ZRANB3: variants seen among roughly 807,000 people sequenced by gnomAD.
The protein encoded by ZRANB3 is zinc finger RANBP2-type containing 3, also known as DNA annealing helicase and endonuclease ZRANB3.
ZRANB3 carries 125 observed loss-of-function variants against 133.8 expected under a neutral mutation model. The ratio of observed to expected loss-of-function variants is 0.93; its 90% CI spans 0.81 to 1.08. ZRANB3 has a LOEUF of 1.08. Among genes scored for constraint, ZRANB3 ranks in the 50% least tolerant of loss-of-function variants. The probability of loss-of-function intolerance (pLI) is 0.00; values close to 1 mark genes in which losing one functional copy is unlikely to be tolerated. For synonymous variants in ZRANB3, 387 were observed against 432.7 expected (o/e 0.89, Z 1.31); for missense variants, 1,229 against 1,275.5 (o/e 0.96, Z 0.56).
intron 1 of ZRANB3, among the ~76,000 whole-genome samples, chr2:135,513,879 G>A (rs367561834): frequency 6.6e-6 from 1 of 152,074 alleles, no homozygotes; most frequent in East Asian, 1.9e-4. Flanking sequence ...CACTAAATAG[G>A]GAATCAATAG....
In ZRANB3 at chr2:135,399,747, T is replaced by C. The variant is rs1687654806; in HGVS notation, c.162-8927A>G. Among the ~76,000 whole-genome samples, 2 of 152,362 alleles carry C rather than the reference T, an allele frequency of 1.3e-5. 1 individual carries two copies. Among genetic ancestry groups the C allele is most frequent in the Middle Eastern group, 6.8e-3 (2 of 294 alleles). On this transcript the variant is annotated intron_variant, in intron 2 of 20. Transcript: ENST00000264159. ...TTTGTAAGGAATGCCAATAACATGCTTTTGAATGAGAAAGATCTTGGTACA... is the reference window on the plus strand; with the variant it reads ...TTTGTAAGGAATGCCAATAACATGCCTTTGAATGAGAAAGATCTTGGTACA...
rs1558986938 is a variant in ZRANB3, at chr2:135,418,923, C to CTT, written c.162-28104_162-28103insAA. Among the ~76,000 whole-genome samples the CTT allele has an allele frequency of 1.0e-4, 12 of 114,332 alleles. No individual in the cohort carries two copies. The East Asian group carries it at 2.7e-3, about 26-fold the overall frequency. The allele number at this position is 114,332 out of a possible 152,430, so 75.0% of individuals were successfully genotyped here. A position where few individuals can be genotyped will look rare whatever the true frequency, so the allele number is the denominator to read the frequency against. Reference sequence around the variant, plus strand: ...CAAAGTAATGAAAAATAAGGATTCTCTCTTTTTTTTTTTTTTTTTTTTTTT... The same window carrying CTT: ...CAAAGTAATGAAAAATAAGGATTCTCTTTCTTTTTTTTTTTTTTTTTTTTTTT... On this transcript the variant is annotated intron_variant, in intron 2 of 20. Transcript: ENST00000264159.
chr2:135,203,532 T>C (rs1693714741), intron 19 of ZRANB3, among the ~76,000 whole-genome samples: 1 of 141,814 alleles, frequency 7.1e-6, no homozygotes, highest in African/African-American at 2.7e-5. Context: ...GGCAGGAGAA[T>C]GGCGTGAACC....
chr2:135,317,933 C>T (rs565146505), intron 6 of ZRANB3, among the ~76,000 whole-genome samples: 1 of 152,182 alleles, frequency 6.6e-6, no homozygotes, highest in Non-Finnish European at 1.5e-5. Context: ...ACACATTTGC[C>T]AAAACCCCAG....
At position 135,275,725 on chromosome 2, in the gene ZRANB3, T is replaced by A; in HGVS notation, c.997A>T (p.Met333Leu). ...AGAVKDYIKM[M>L]LQNDSLKFLV... ...AATTTAAGCGAATCATTCTGAAGCATCATCTTAATATAATCCTTTACAGCA... is the reference window on the plus strand; with the variant it reads ...AATTTAAGCGAATCATTCTGAAGCAACATCTTAATATAATCCTTTACAGCA... Residue 333 changes from methionine (M) to leucine (L), a missense_variant, in exon 9 of 21, where the codon ATG (methionine) becomes TTG (leucine). Physicochemically the swap from Met to Leu is conservative, Grantham distance 15 (BLOSUM62 2). Transcript: ENST00000264159. 6.2e-7 allele frequency: 1 copy of A among 1,601,164 alleles called. No individual in the cohort carries two copies.
At chr2:135,297,370 C>A (rs986893460) in intron 8 of ZRANB3, among the ~76,000 whole-genome samples, 4 of 152,228 alleles carry the variant, frequency 2.6e-5, no homozygotes, top group Admixed American at 2.6e-4. Flanking sequence ...ATATGACCCT[C>A]CGAGACAGGT....
At chr2:135,294,431 C>A (rs951814109) in intron 8 of ZRANB3, among the ~76,000 whole-genome samples, 1 of 152,088 alleles carries the variant, frequency 6.6e-6, no homozygotes, top group Non-Finnish European at 1.5e-5. Flanking sequence ...TCTGTGGGAT[C>A]GGCGGTGATA....
intron 6 of ZRANB3, among the ~76,000 whole-genome samples, chr2:135,317,069 C>T (rs1237818378): frequency 6.7e-6 from 1 of 149,476 alleles, no homozygotes; most frequent in African/African-American, 2.5e-5. Flanking sequence ...TAAAATTATA[C>T]ACATACCATT....
chr2:135,353,442 G>T lies in ZRANB3; in HGVS notation c.359+8C>A. ...TTTTCTCCTTAAATATTAAACAGTT[G>T]TTCTTACCTAACATCAGTTTTATTC... On this transcript the variant is annotated splice_region_variant and intron_variant, in intron 4 of 20. Transcript: ENST00000264159. 6.4e-7 allele frequency: 1 copy of T among 1,561,376 alleles called. No homozygotes were observed. Among genetic ancestry groups the T allele is most frequent in the South Asian group, 1.2e-5 (1 of 81,282 alleles).
chr2:135,283,672 C>T (rs933799078), intron 8 of ZRANB3, among the ~76,000 whole-genome samples: 2 of 150,822 alleles, frequency 1.3e-5, no homozygotes, highest in African/African-American at 4.9e-5. Flanking sequence ...TATTTCTAAA[C>T]TCCATCCACT....
chr2:135,354,061 A>G (rs1685326263), intron 3 of ZRANB3, among the ~76,000 whole-genome samples: 1 of 152,242 alleles, frequency 6.6e-6, no homozygotes, highest in Admixed American at 6.5e-5. Flanking sequence ...TATACAGTTA[A>G]TAAAAAGTTT....
intron 8 of ZRANB3, among the ~76,000 whole-genome samples, chr2:135,287,253 T>C (rs985917414): frequency 5.9e-5 from 9 of 152,232 alleles, no homozygotes; most frequent in African/African-American, 2.4e-5. Flanking sequence ...ATTTCTGGGT[T>C]CTCTATTCTG....
At chr2:135,364,464 G>A (rs1409068344) in intron 3 of ZRANB3, among the ~76,000 whole-genome samples, 1 of 152,136 alleles carries the variant, frequency 6.6e-6, no homozygotes, top group African/African-American at 2.4e-5. Context: ...AACAGAATTT[G>A]GGGCTGAGCA....
intron 6 of ZRANB3, among the ~76,000 whole-genome samples, chr2:135,332,128 AAC>A (rs1320761086): frequency 2.6e-5 from 4 of 152,100 alleles, no homozygotes; most frequent in African/African-American, 4.8e-5. Context: ...AAAAAATGAA[AAC>A]AGTTTACTTA....
chr2:135,225,958 G>GA (rs1318576397), intron 14 of ZRANB3, among the ~76,000 whole-genome samples: 1 of 152,202 alleles, frequency 6.6e-6, no homozygotes. Context: ...GAAAGCAACT[G>GA]AAAGCAGGAG....
intron 2 of ZRANB3, among the ~76,000 whole-genome samples, chr2:135,449,940 T>C (rs537830937): frequency 6.6e-6 from 1 of 152,294 alleles, no homozygotes; most frequent in South Asian, 2.1e-4. Flanking sequence ...GTATATTTTG[T>C]AGAGACAGGG....
intron 2 of ZRANB3, among the ~76,000 whole-genome samples, chr2:135,496,153 C>T (rs1275939828): frequency 2.0e-5 from 3 of 151,980 alleles, no homozygotes; most frequent in African/African-American, 4.8e-5. Context: ...GAGGCCAAGG[C>T]GGGTGGATCA....
At chr2:135,287,060 T>C (rs184382249) in intron 8 of ZRANB3, among the ~76,000 whole-genome samples, 11 of 152,324 alleles carry the variant, frequency 7.2e-5, no homozygotes, top group African/African-American at 2.4e-4. Flanking sequence ...TTAGGTCAGA[T>C]TTAAGTGTTT....
intron 12 of ZRANB3, among the ~76,000 whole-genome samples, chr2:135,244,669 C>CA (rs1489778945): frequency 6.6e-6 from 1 of 151,980 alleles, no homozygotes; most frequent in Admixed American, 6.6e-5. Context: ...AACCTCCCCA[C>CA]AAAAAAAGAA....
Sources: allele counts gnomAD v4.1 joint callset (sites outside exome capture counted in the v4.1 genomes callset), GRCh38; gene constraint gnomAD v4.1.1; transcripts MANE v1.5; gene names NCBI Gene and HGNC (gene_info 2026-07-23, HGNC 2026-07-21).